CBX7: variants seen among roughly 807,000 people sequenced by gnomAD.
The protein encoded by CBX7 is chromobox 7.
A neutral mutation model predicts 31.4 loss-of-function variants in CBX7; 14 were observed. The observed-to-expected ratio is 0.45, with a 90% CI of 0.29 to 0.70. The LOEUF is 0.70. CBX7 is among the 30% of genes least tolerant of loss of function. The pLI is 0.11. For missense variants in CBX7, 269 were observed against 351.9 expected, an observed-to-expected ratio of 0.76 and a Z score of 1.89; for synonymous variants, 159 against 152.6, an observed-to-expected ratio of 1.04 and a Z score of -0.31.
At chr22:39,140,124 A>C (rs942065756) in intron 3 of CBX7, among the ~76,000 whole-genome samples, 2 of 152,176 alleles carry the variant, frequency 1.3e-5, no homozygotes, top group African/African-American at 4.8e-5. Context: ...CAACAGAAAG[A>C]ATGTGGAGGC....
At chr22:39,149,637 C>A in intron 2 of CBX7, 152 bp downstream of exon 2, 1 of 700,508 alleles carries the variant, frequency 1.4e-6, no homozygotes. Flanking sequence ...GAAACTGAGG[C>A]CCAGAGAAGA....
chr22:39,143,202 C>T (rs1049909070), intron 2 of CBX7, among the ~76,000 whole-genome samples: 3 of 151,098 alleles, frequency 2.0e-5, no homozygotes, highest in East Asian at 1.9e-4. Context: ...TGCAGTGAGC[C>T]GAGATCGTAC....
At chr22:39,138,537 A>G in intron 4 of CBX7, 99 bp downstream of exon 4, 1 of 1,130,308 alleles carries the variant, frequency 8.8e-7, no homozygotes, top group Non-Finnish European at 1.4e-6. Flanking sequence ...GCGAGGGGAC[A>G]CAGATCAGCT....
At position 39,133,547 on chromosome 22, in the gene CBX7, G is replaced by C. The variant is rs929507234; in HGVS notation, c.*344C>G. On this transcript the variant is annotated 3_prime_UTR_variant, in exon 6 of 6. Coordinates refer to ENST00000216133, the MANE Select transcript of CBX7 (RefSeq NM_175709.5). Reference sequence around the variant, plus strand: ...GGCTGGGGTGGCCACTCAAGGGAGAGGGTTTGGGCCTTCCAATGCTCCTTT... The same window carrying C: ...GGCTGGGGTGGCCACTCAAGGGAGACGGTTTGGGCCTTCCAATGCTCCTTT... 1 of 183,908 alleles carries C rather than the reference G, an allele frequency of 5.4e-6. No homozygotes were observed. Among genetic ancestry groups the C allele is most frequent in the Non-Finnish European group, 1.1e-5 (1 of 89,270 alleles). 11.4% of individuals were successfully genotyped at this position (183,908 alleles called of 1,614,324 possible).
At chr22:39,149,955 C>T in intron 1 of CBX7, 123 bp from the exon 2 acceptor site, 2 of 766,004 alleles carry the variant, frequency 2.6e-6, no homozygotes, top group African/African-American at 1.7e-5. Context: ...GTCTCCCCAA[C>T]ACACAAACAC....
rs1205857607 is a variant in CBX7 at position 39,133,943 on chromosome 22, C to T, written c.704G>A (p.Arg235His). 4 of 1,613,868 alleles carry T rather than the reference C, an allele frequency of 2.5e-6. No individual in the cohort carries two copies. Among genetic ancestry groups the T allele is most frequent in the Non-Finnish European group, 2.5e-6 (3 of 1,179,870 alleles). ...ITANSITVTFREAQAAEGFFR... is the reference protein window; with the variant it reads ...ITANSITVTFHEAQAAEGFFR... ...GAAGCCCTCAGCTGCCTGGGCCTCGCGGAAGGTGACGGTGATGGAGTTGGC... is the reference window on the plus strand; with the variant it reads ...GAAGCCCTCAGCTGCCTGGGCCTCGTGGAAGGTGACGGTGATGGAGTTGGC... The change falls in exon 6 of 6, where the codon CGC becomes CAC. Residue 235 changes from arginine to histidine, a missense_variant. Physicochemically the swap from Arg to His is conservative, Grantham distance 29. Transcript: ENST00000216133.
intron 3 of CBX7, chr22:39,140,978 C>A (rs1800737023): frequency 4.5e-6 from 1 of 223,998 alleles, no homozygotes; most frequent in Non-Finnish European, 9.0e-6. Context: ...GTCACCCCCG[C>A]ACAACTGGCA....
At position 39,133,894 on chromosome 22, in the gene CBX7, G is replaced by C. The variant is rs933377130; in HGVS notation, c.753C>G (p.Phe251Leu). 6.2e-7 allele frequency: 1 copy of C among 1,607,208 alleles called. No individual in the cohort carries two copies. ...EGFFRDRSGKF is the reference protein window; with the variant it reads ...EGFFRDRSGKL ...TAAGAAGAGTAAAAACGGTGATTCA[G>C]AACTTCCCACTGCGGTCTCGGAAGA... The change falls in exon 6 of 6, where the codon TTC becomes TTG. Residue 251 changes from phenylalanine to leucine, a missense_variant. Phe to Leu is a conservative substitution (Grantham distance 22). Coordinates refer to ENST00000216133, the MANE Select transcript of CBX7 (RefSeq NM_175709.5).
intron 4 of CBX7, 27 bp from the exon 5 acceptor site, chr22:39,134,779 G>C: frequency 7.1e-7 from 1 of 1,400,136 alleles, no homozygotes; most frequent in African/African-American, 1.4e-5. Context: ...GGGCAGCGCG[G>C]GTCAGCCCCA....
rs1422700006 is a variant in CBX7, at chr22:39,138,359, T to C, written c.246+277A>G. Reference sequence around the variant, plus strand: ...GCTTCCTTACAGCAAGATTCTAAGCTTTGAGAATTCTAGGATTCCACTGGC... The same window carrying C: ...GCTTCCTTACAGCAAGATTCTAAGCCTTGAGAATTCTAGGATTCCACTGGC... On this transcript the variant is annotated intron_variant, in intron 4 of 5. Coordinates refer to ENST00000216133, the MANE Select transcript of CBX7 (RefSeq NM_175709.5). Among the ~76,000 whole-genome samples the C allele has an allele frequency of 2.6e-5, 4 of 152,162 alleles. No individual in the cohort carries two copies. In the East Asian group the frequency reaches 7.7e-4, roughly 29 times the overall value.
At chr22:39,150,147 G>A (rs1484284158) in intron 1 of CBX7, among the ~76,000 whole-genome samples, 1 of 152,242 alleles carries the variant, frequency 6.6e-6, no homozygotes, top group Admixed American at 6.5e-5. Context: ...GCATGGAGGT[G>A]TGCATGCGTG....
chr22:39,143,967 C>T (rs1601563060), intron 2 of CBX7, among the ~76,000 whole-genome samples: 1 of 152,192 alleles, frequency 6.6e-6, no homozygotes, highest in Non-Finnish European at 1.5e-5. Flanking sequence ...AAAAGCAAAG[C>T]GATGCCCTAT....
Position 39,131,053 on chromosome 22 carries a change from G to A in CBX7, c.*2838C>T, listed in dbSNP as rs932671547. ...TGCAAAGGAAGCGCTCTTGTGCTGA[G>A]ACCTGGTGGCCGCAGCTGGCCACTT... On this transcript the variant is annotated 3_prime_UTR_variant, in exon 6 of 6. Coordinates refer to ENST00000216133, the MANE Select transcript of CBX7 (RefSeq NM_175709.5). 6 of 152,622 alleles carry A rather than the reference G, an allele frequency of 3.9e-5. No homozygotes were observed. Among genetic ancestry groups the A allele is most frequent in the African/African-American group, 1.4e-4 (6 of 41,432 alleles). The allele number at this position is 152,622 out of a possible 1,614,324, so 9.5% of individuals were successfully genotyped here.
intron 4 of CBX7, chr22:39,135,650 A>C (rs1489330324): frequency 1.3e-5 from 2 of 152,306 alleles, no homozygotes; most frequent in Non-Finnish European, 2.9e-5. Flanking sequence ...TAACGGCATC[A>C]CATGTCCCCA....
intron 1 of CBX7, among the ~76,000 whole-genome samples, chr22:39,151,933 T>C (rs1449610743): frequency 6.6e-6 from 1 of 152,024 alleles, no homozygotes; most frequent in African/African-American, 2.4e-5. Flanking sequence ...CAGGAAAAAC[T>C]TCAGAGGCCG....
intron 3 of CBX7, 146 bp downstream of exon 3, chr22:39,141,225 A>T (rs1930443298): frequency 1.6e-6 from 1 of 618,072 alleles, no homozygotes; most frequent in African/African-American, 1.9e-5. Context: ...AGTGCCCACC[A>T]TTTTCACCCA....
At chr22:39,148,935 A>C (rs1160237996) in intron 2 of CBX7, 1 of 152,574 alleles carries the variant, frequency 6.6e-6, no homozygotes, top group Non-Finnish European at 1.5e-5. Context: ...GCCCGACAGC[A>C]GCAGCTCTGG....
At chr22:39,141,783 G>C (rs913116217) in intron 2 of CBX7, among the ~76,000 whole-genome samples, 10 of 151,942 alleles carry the variant, frequency 6.6e-5, no homozygotes, top group African/African-American at 2.4e-4. Context: ...GCTTCTACTG[G>C]GCAGGTGCAC....
In CBX7 at chr22:39,152,406, C is replaced by T. The variant is rs1249016872; in HGVS notation, c.39G>A (p.Val13=). 4 of 1,371,024 alleles carry T rather than the reference C, an allele frequency of 2.9e-6. No individual in the cohort carries two copies. The allele number at this position is 1,371,024 out of a possible 1,614,324, so 84.9% of individuals were successfully genotyped here. A position where few individuals can be genotyped will look rare whatever the true frequency, so the allele number is the denominator to read the frequency against. Residue 13 remains valine, a synonymous_variant, in exon 1 of 6, where the codon GTG becomes GTA. Transcript: ENST00000216133. This position sits in a 1 kb window ranked among gnomAD's most constrained non-coding sequence, Gnocchi z 4.9. ...LSAIGEQVFA[V]ESIRKKRVRK... ...GCACGCGCTTCTTCCGGATGCTCTC[C>T]ACGGCGAACACCTGCTCGCCGATGG...
Sources: gnomAD v4.1 joint callset for allele counts (sites outside exome capture counted in the v4.1 genomes callset) on GRCh38, gnomAD v4.1.1 for gene constraint, Gnocchi (gnomAD v3.1) non-coding constraint, MANE v1.5 for transcripts, NCBI Gene and HGNC (gene_info 2026-07-23, HGNC 2026-07-21) for gene names.